WNT7B: variants seen among roughly 807,000 people sequenced by gnomAD.
WNT7B encodes the protein protein Wnt-7b.
WNT7B carries 19 observed loss-of-function variants against 38.2 expected under a neutral mutation model. The observed-to-expected ratio is 0.50, with a 90% CI of 0.35 to 0.73. The LOEUF (loss-of-function observed/expected upper bound fraction) is 0.73. Ranked by LOEUF, WNT7B falls within the 30% of genes least tolerant of loss-of-function variation. The pLI, the probability that WNT7B is intolerant of heterozygous loss-of-function variation, is 0.01. For missense variants in WNT7B, 423 were observed against 507.9 expected (o/e 0.83, Z 1.61); for synonymous variants, 243 against 209.3 (o/e 1.16, Z -1.39).
intron 2 of WNT7B, among the ~76,000 whole-genome samples, chr22:45,947,462 G>A (rs1931823617): frequency 6.6e-6 from 1 of 152,252 alleles, no homozygotes; most frequent in Non-Finnish European, 1.5e-5. Flanking sequence ...CTGGCCGGGA[G>A]AAAGCTGGGG....
At chr22:45,959,138 AC>A (rs2146742896) in intron 1 of WNT7B, among the ~76,000 whole-genome samples, 1 of 152,268 alleles carries the variant, frequency 6.6e-6, no homozygotes, top group African/African-American at 2.4e-5. Context: ...TGGCTGACAG[AC>A]ACATGCGGGA....
At chr22:45,929,695 C>CCCATCCCATTTTCCATCCATCCAT (rs141904678) in intron 3 of WNT7B, among the ~76,000 whole-genome samples, 1 of 140,262 alleles carries the variant, frequency 7.1e-6, no homozygotes, top group Non-Finnish European at 1.5e-5. Flanking sequence ...CTTCCATCCA[C>CCCATCCCATTTTCCATCCATCCAT]CCATCTTTCC....
rs970346607 is a variant in WNT7B, at chr22:45,965,068, G to T, written c.71+11616C>A. Reference sequence around the variant, plus strand: ...CCCAGACCCGAGATCACTGCCTCCGGCCCCGCCCCCACCTCACCTTCCCCT... The same window carrying T: ...CCCAGACCCGAGATCACTGCCTCCGTCCCCGCCCCCACCTCACCTTCCCCT... On this transcript the variant is annotated intron_variant, in intron 1 of 3. Transcript: ENST00000339464. The surrounding 1 kb of genome is among the most constrained non-coding windows in gnomAD (Gnocchi z 6.5). Among the ~76,000 whole-genome samples the T allele has an allele frequency of 5.9e-5, 9 of 151,890 alleles. No individual in the cohort carries two copies. The highest frequency in any genetic ancestry group is 1.7e-4 in the African/African-American group (7 of 41,324).
intron 3 of WNT7B, among the ~76,000 whole-genome samples, chr22:45,929,788 C>G (rs151216981): frequency 1.3e-5 from 2 of 149,062 alleles, no homozygotes; most frequent in African/African-American, 2.5e-5. Context: ...ATCCACCCAC[C>G]GATCCACTCA....
At chr22:45,929,880 C>G (rs1931269946) in intron 3 of WNT7B, among the ~76,000 whole-genome samples, 1 of 144,366 alleles carries the variant, frequency 6.9e-6, no homozygotes, top group Non-Finnish European at 1.5e-5. Flanking sequence ...ATCCAACCAT[C>G]TACCCACTCA....
intron 2 of WNT7B, among the ~76,000 whole-genome samples, chr22:45,945,659 G>T (rs1931777118): frequency 6.6e-6 from 1 of 152,208 alleles, no homozygotes. Context: ...ACTGGGCCTG[G>T]CCTGCAAAGC....
intron 1 of WNT7B, among the ~76,000 whole-genome samples, chr22:45,958,643 G>T (rs1932125825): frequency 6.6e-6 from 1 of 152,210 alleles, no homozygotes; most frequent in African/African-American, 2.4e-5. Context: ...GTCCAGAAAA[G>T]TTCAGCAGCC....
chr22:45,936,074 C>T lies in WNT7B; in HGVS notation c.299-4705G>A, dbSNP rs949292418. 3.6e-5 allele frequency: 35 copies of T among 985,264 alleles called. 1 individual carries two copies. The allele number at this position is 985,264 out of a possible 1,614,324, so 61.0% of individuals were successfully genotyped here. A position where few individuals can be genotyped will look rare whatever the true frequency, so the allele number is the denominator to read the frequency against. ...AATGCCAGAGCAGACTATATTCTGG[C>T]CACCCCTCACCCCACAGCCCTCAAG... is the stretch of plus-strand genomic sequence containing the variant. On this transcript the variant is annotated intron_variant, in intron 2 of 3. Transcript: ENST00000339464.
At chr22:45,939,233 C>T (rs148067935) in intron 2 of WNT7B, among the ~76,000 whole-genome samples, 3 of 152,284 alleles carry the variant, frequency 2.0e-5, no homozygotes, top group African/African-American at 7.2e-5. Context: ...AGTTGGGCAG[C>T]TCCTCAAAAA....
intron 3 of WNT7B, among the ~76,000 whole-genome samples, chr22:45,929,599 T>TCCATCCACCTGCCCATACAC (rs1307383402): frequency 1.4e-5 from 2 of 143,494 alleles, no homozygotes; most frequent in East Asian, 4.1e-4. Flanking sequence ...CATTCATGCA[T>TCCATCCACCTGCCCATACAC]CCATCCACCT....
At chr22:45,929,778 A>G (rs950088088) in intron 3 of WNT7B, among the ~76,000 whole-genome samples, 2 of 149,834 alleles carry the variant, frequency 1.3e-5, no homozygotes, top group African/African-American at 5.0e-5. Context: ...TTATCCTTCC[A>G]TCCACCCACC....
rs951709616 is a variant in WNT7B at position 45,965,811 on chromosome 22, C to A, written c.71+10873G>T. On this transcript the variant is annotated intron_variant, in intron 1 of 3. Transcript: ENST00000339464. This position sits in a 1 kb window ranked among gnomAD's most constrained non-coding sequence, Gnocchi z 6.5. Reference sequence around the variant, plus strand: ...AGACCCTCGCTCAGGGCCCCGGGGACTCTTGGTCAACACACAGTTCTAAGC... The same window carrying A: ...AGACCCTCGCTCAGGGCCCCGGGGAATCTTGGTCAACACACAGTTCTAAGC... 1.3e-5 allele frequency among the ~76,000 whole-genome samples: 2 copies of A among 152,206 alleles called. No homozygotes were observed. The highest frequency in any genetic ancestry group is 4.8e-5 in the African/African-American group (2 of 41,436).
intron 1 of WNT7B, among the ~76,000 whole-genome samples, chr22:45,953,723 T>TAA (rs528714196): frequency 0.23 from 30,753 of 134,024 alleles, 4,253 homozygotes; most frequent in South Asian, 0.46. Context: ...GGCTATGATT[T>TAA]AAAAAAAAAA....
chr22:45,931,077 C>A, intron 3 of WNT7B, 21 bp downstream of exon 3: 1 of 1,548,450 alleles, frequency 6.5e-7, no homozygotes, highest in South Asian at 1.2e-5. Context: ...ACGGCCCCCA[C>A]CAGCCGCACC....
intron 3 of WNT7B, chr22:45,927,507 T>C (rs1470600737): frequency 1.3e-6 from 2 of 1,545,154 alleles, no homozygotes; most frequent in South Asian, 1.2e-5. Flanking sequence ...TATTTGGAAG[T>C]AGGGCCTTTA....
rs184720209 is a variant in WNT7B, at chr22:45,959,834, C to T, written c.72-9688G>A. 8.7e-3 allele frequency among the ~76,000 whole-genome samples: 1,319 copies of T among 152,250 alleles called. 10 individuals carry two copies. The highest frequency in any genetic ancestry group is 0.024 in the Middle Eastern group (7 of 294). On this transcript the variant is annotated intron_variant, in intron 1 of 3. Transcript: ENST00000339464. ...CACTGAAAGCATTCCCCAGAAGGAC[C>T]GGGGCAGCTCTCCGTGGGGGAGACA... is the stretch of plus-strand genomic sequence containing the variant.
chr22:45,939,649 T>TCA lies in WNT7B; in HGVS notation c.299-8282_299-8281dup, dbSNP rs980779392. Among the ~76,000 whole-genome samples, 911 of 101,224 alleles carry TCA rather than the reference T, an allele frequency of 9.0e-3. 10 individuals carry two copies. The highest frequency in any genetic ancestry group is 0.015 in the Middle Eastern group (3 of 202). The allele number at this position is 101,224 out of a possible 152,430, so 66.4% of individuals were successfully genotyped here. On this transcript the variant is annotated intron_variant, in intron 2 of 3. Coordinates refer to ENST00000339464, the MANE Select transcript of WNT7B (RefSeq NM_058238.3). ...TCTCTACAAACACACACACACACAC[T>TCA]CACACACACACACACACACACAAAA...
chr22:45,960,544 G>T (rs1203989314), intron 1 of WNT7B, among the ~76,000 whole-genome samples: 6 of 152,206 alleles, frequency 3.9e-5, no homozygotes, highest in African/African-American at 1.4e-4. Context: ...GCTGAGCCTG[G>T]GCCTGATCTT....
At chr22:45,959,730 G>A (rs1408679525) in intron 1 of WNT7B, among the ~76,000 whole-genome samples, 1 of 152,072 alleles carries the variant, frequency 6.6e-6, no homozygotes, top group Non-Finnish European at 1.5e-5. Context: ...ACTGGACACC[G>A]GCTCCCAACC....
Sources: gnomAD v4.1 joint callset for allele counts (sites outside exome capture counted in the v4.1 genomes callset) on GRCh38, gnomAD v4.1.1 for gene constraint, Gnocchi (gnomAD v3.1) non-coding constraint, MANE v1.5 for transcripts, NCBI Gene and HGNC (gene_info 2026-07-23, HGNC 2026-07-21) for gene names.